Variants in CCDC148 observed in about 807,000 individuals in gnomAD.
CCDC148 encodes coiled-coil domain containing 148.
Under a neutral mutation model 85.7 loss-of-function variants are expected in CCDC148, and 89 were observed. The observed-to-expected ratio is 1.04, with a 90% CI of 0.87 to 1.24. The LOEUF is 1.24. Among genes scored for constraint, CCDC148 ranks in the 50% most tolerant of loss-of-function variants. CCDC148 has a pLI of 0.00. For synonymous variants in CCDC148, 230 were observed against 213.9 expected, an observed-to-expected ratio of 1.08 and a Z score of -0.66; for missense variants, 692 against 671.7, an observed-to-expected ratio of 1.03 and a Z score of -0.33.
At chr2:158,342,616 G>A (rs1682771134) in intron 3 of CCDC148, among the ~76,000 whole-genome samples, 1 of 152,136 alleles carries the variant, frequency 6.6e-6, no homozygotes, top group Non-Finnish European at 1.5e-5. Context: ...GGTAATTTTT[G>A]ATGTTCTGAG....
chr2:158,229,284 T>C (rs529261833), intron 10 of CCDC148, among the ~76,000 whole-genome samples: 1 of 152,298 alleles, frequency 6.6e-6, no homozygotes, highest in South Asian at 2.1e-4. Flanking sequence ...ACTTATATAA[T>C]GTTATTTCCC....
chr2:158,404,940 A>T (rs1685937303), intron 1 of CCDC148, among the ~76,000 whole-genome samples: 1 of 152,184 alleles, frequency 6.6e-6, no homozygotes, highest in Non-Finnish European at 1.5e-5. Flanking sequence ...TTGTGAATGC[A>T]TACATAGATG....
At chr2:158,412,037 T>C (rs1191946706) in intron 1 of CCDC148, among the ~76,000 whole-genome samples, 1 of 152,118 alleles carries the variant, frequency 6.6e-6, no homozygotes, top group East Asian at 1.9e-4. Context: ...GTGGGCTGTG[T>C]GCAGCTCTGT....
intron 12 of CCDC148, 60 bp from the exon 13 acceptor site, chr2:158,176,721 C>T (rs1331675640): frequency 1.3e-6 from 2 of 1,580,942 alleles, no homozygotes; most frequent in Non-Finnish European, 1.7e-6. Flanking sequence ...TTCTGGGCAA[C>T]ATTATTGATG....
intron 1 of CCDC148, among the ~76,000 whole-genome samples, chr2:158,407,785 G>T (rs931588652): frequency 1.3e-5 from 2 of 152,120 alleles, no homozygotes; most frequent in Non-Finnish European, 2.9e-5. Flanking sequence ...TGCAAAATTT[G>T]CATGTGTTAA....
intron 11 of CCDC148, among the ~76,000 whole-genome samples, chr2:158,209,687 C>A (rs1352340254): frequency 6.6e-6 from 1 of 152,164 alleles, no homozygotes; most frequent in Admixed American, 6.5e-5. Flanking sequence ...AGAATTTCAA[C>A]CCAGAATTTC....
chr2:158,404,462 T>C (rs1452195825), intron 1 of CCDC148, among the ~76,000 whole-genome samples: 2 of 152,130 alleles, frequency 1.3e-5, no homozygotes, highest in African/African-American at 4.8e-5. Context: ...AATTAGTTGG[T>C]GATATGATCA....
intron 9 of CCDC148, among the ~76,000 whole-genome samples, chr2:158,261,969 A>G (rs1689243577): frequency 6.6e-6 from 1 of 152,112 alleles, no homozygotes; most frequent in Non-Finnish European, 1.5e-5. Context: ...TTCCTCAGAG[A>G]GCTAAAAGCA....
intron 1 of CCDC148, among the ~76,000 whole-genome samples, chr2:158,455,241 A>G (rs1316031927): frequency 6.6e-6 from 1 of 152,204 alleles, no homozygotes; most frequent in African/African-American, 2.4e-5. Context: ...ATGGCCAGCC[A>G]TGGCACAGCA....
chr2:158,392,100 G>A (rs1685334847), intron 1 of CCDC148, among the ~76,000 whole-genome samples: 1 of 152,176 alleles, frequency 6.6e-6, no homozygotes. Context: ...CTGCATCTGA[G>A]TCATCAGGTT....
intron 9 of CCDC148, among the ~76,000 whole-genome samples, chr2:158,283,820 T>C (rs1295937946): frequency 1.3e-5 from 2 of 152,020 alleles, no homozygotes; most frequent in African/African-American, 4.8e-5. Flanking sequence ...TAAAGACACA[T>C]GCACATGTAT....
chr2:158,364,650 G>C (rs12105190), intron 1 of CCDC148, among the ~76,000 whole-genome samples: 27,033 of 151,982 alleles, frequency 0.18, 3,937 homozygotes, highest in African/African-American at 0.4. Context: ...ACACCTTATA[G>C]AAAAATTAAT....
intron 1 of CCDC148, among the ~76,000 whole-genome samples, chr2:158,429,770 T>C (rs72944455): frequency 0.047 from 7,133 of 152,240 alleles, 248 homozygotes; most frequent in Non-Finnish European, 0.063. Context: ...ATAAAACCCA[T>C]GTTTTCACAA....
intron 9 of CCDC148, among the ~76,000 whole-genome samples, chr2:158,295,142 T>A (rs916884044): frequency 3.3e-5 from 5 of 152,186 alleles, no homozygotes; most frequent in Middle Eastern, 3.2e-3. Flanking sequence ...GATAAATTCC[T>A]CGACACATAC....
intron 12 of CCDC148, among the ~76,000 whole-genome samples, chr2:158,177,130 G>A (rs1008257853): frequency 2.0e-5 from 3 of 151,798 alleles, no homozygotes; most frequent in African/African-American, 7.3e-5. Flanking sequence ...TAATTCTTGG[G>A]TCAAGTGTGT....
intron 11 of CCDC148, among the ~76,000 whole-genome samples, chr2:158,196,043 C>T (rs1040988913): frequency 6.6e-6 from 1 of 152,146 alleles, no homozygotes; most frequent in African/African-American, 2.4e-5. Context: ...TGCCTGTAAA[C>T]CCCAGTCATA....
At chr2:158,234,457 G>C (rs548410864) in intron 10 of CCDC148, among the ~76,000 whole-genome samples, 1 of 152,018 alleles carries the variant, frequency 6.6e-6, no homozygotes, top group South Asian at 2.1e-4. Context: ...TCTGGTAGGA[G>C]GGTAAATTGT....
intron 1 of CCDC148, among the ~76,000 whole-genome samples, chr2:158,406,153 C>T (rs1685987539): frequency 6.6e-6 from 1 of 152,112 alleles, no homozygotes; most frequent in Non-Finnish European, 1.5e-5. Flanking sequence ...TTCACATTGA[C>T]ATGGATAGCT....
intron 9 of CCDC148, among the ~76,000 whole-genome samples, chr2:158,275,134 T>G (rs1689870130): frequency 6.6e-6 from 1 of 152,230 alleles, no homozygotes; most frequent in Admixed American, 6.5e-5. Context: ...CCCTACTTCC[T>G]CATAAGTGAT....
Sources: gnomAD v4.1 joint callset for allele counts (sites outside exome capture counted in the v4.1 genomes callset) on GRCh38, gnomAD v4.1.1 for gene constraint, MANE v1.5 for transcripts, NCBI Gene and HGNC (gene_info 2026-07-23, HGNC 2026-07-21) for gene names.